The following SPIDR variants were observed in gnomAD, a reference collection of about 807,000 sequenced individuals.
SPIDR encodes the protein DNA repair-scaffolding protein.
SPIDR carries 93 observed loss-of-function variants against 104.6 expected under a neutral mutation model. The observed-to-expected ratio is 0.89, with a 90% confidence interval of 0.75 to 1.06. The LOEUF (loss-of-function observed/expected upper bound fraction) is 1.06, where lower values mean the gene tolerates loss of function less well. Among genes scored for constraint, SPIDR ranks in the 50% least tolerant of loss-of-function variants. The probability of loss-of-function intolerance (pLI) is 0.00; values close to 1 mark genes in which losing one functional copy is unlikely to be tolerated. For missense variants in SPIDR, 1,154 were observed against 1,111.2 expected (o/e 1.04, Z -0.55); for synonymous variants, 431 against 416.9 (o/e 1.03, Z -0.41).
chr8:47,454,066 C>T (rs576692159), intron 8 of SPIDR, among the ~76,000 whole-genome samples: 44 of 152,232 alleles, frequency 2.9e-4, no homozygotes, highest in African/African-American at 1.0e-3. Flanking sequence ...GAAGACAGTG[C>T]AGCAATTCCT....
chr8:47,533,166 A>G (rs1008066130), intron 8 of SPIDR, among the ~76,000 whole-genome samples: 8 of 152,238 alleles, frequency 5.3e-5, no homozygotes, highest in Admixed American at 6.5e-5. Flanking sequence ...AGTAAATCTA[A>G]ACTTCCACTT....
chr8:47,718,872 A>G (rs528350815), intron 16 of SPIDR, among the ~76,000 whole-genome samples: 1 of 152,182 alleles, frequency 6.6e-6, no homozygotes, highest in South Asian at 2.1e-4. Context: ...AGATCAACCC[A>G]TCACCCAGGT....
chr8:47,547,335 G>A, intron 8 of SPIDR: 2 of 506,940 alleles, frequency 3.9e-6, no homozygotes, highest in Non-Finnish European at 7.8e-6. Context: ...TGACATCTAT[G>A]AATCCAGCAG....
chr8:47,319,791 C>G (rs1464721982), intron 5 of SPIDR, among the ~76,000 whole-genome samples: 4 of 152,238 alleles, frequency 2.6e-5, no homozygotes, highest in African/African-American at 4.8e-5. Flanking sequence ...GATTAAGAAA[C>G]TCACTCAAAA....
chr8:47,446,439 C>G (rs1235247016), intron 8 of SPIDR, among the ~76,000 whole-genome samples: 1 of 152,126 alleles, frequency 6.6e-6, no homozygotes, highest in Non-Finnish European at 1.5e-5. Context: ...GACAATGCAC[C>G]TAGTCAGCCA....
At chr8:47,331,783 T>C (rs553882937) in intron 5 of SPIDR, among the ~76,000 whole-genome samples, 3 of 152,204 alleles carry the variant, frequency 2.0e-5, no homozygotes, top group Middle Eastern at 3.4e-3. Context: ...GACTCTTTAG[T>C]AATACCACTT....
At chr8:47,408,001 AT>A (rs34569190) in intron 7 of SPIDR, 40 bp downstream of exon 7, 699,633 of 1,135,396 alleles carry the variant, frequency 0.62, 228,875 homozygotes, top group Non-Finnish European at 0.68. Flanking sequence ...GTGTAAAAAA[AT>A]ATTTTAGTTA....
At chr8:47,570,814 C>T (rs1018983533) in intron 8 of SPIDR, among the ~76,000 whole-genome samples, 7 of 152,046 alleles carry the variant, frequency 4.6e-5, no homozygotes, top group South Asian at 2.1e-4. Flanking sequence ...AGGTTTTAGC[C>T]GGGTGTGGTG....
intron 11 of SPIDR, among the ~76,000 whole-genome samples, chr8:47,691,290 CAAAAAAAAAA>C (rs60147394): frequency 1.2e-5 from 1 of 86,668 alleles, no homozygotes; most frequent in Admixed American, 1.2e-4. Flanking sequence ...GACTCCGTCT[CAAAAAAAAAA>C]AAAAAAAAAA....
chr8:47,555,304 G>A (rs1210034832), intron 8 of SPIDR, among the ~76,000 whole-genome samples: 3 of 152,098 alleles, frequency 2.0e-5, no homozygotes, highest in Non-Finnish European at 4.4e-5. Flanking sequence ...TCAAAGAATT[G>A]AGAAATATTC....
At chr8:47,262,133 G>C (rs2032579806) in intron 1 of SPIDR, among the ~76,000 whole-genome samples, 1 of 152,152 alleles carries the variant, frequency 6.6e-6, no homozygotes, top group Non-Finnish European at 1.5e-5. Flanking sequence ...ATACATTGAA[G>C]TTAACTATAT....
At chr8:47,530,806 T>G (rs1386224985) in intron 8 of SPIDR, among the ~76,000 whole-genome samples, 1 of 152,194 alleles carries the variant, frequency 6.6e-6, no homozygotes, top group Non-Finnish European at 1.5e-5. Context: ...TAATTTTTTA[T>G]CCTTTTGTAG....
rs1247789228 is a variant in SPIDR at position 47,351,752 on chromosome 8, T to C, written c.526-44624T>C. On this transcript the variant is annotated intron_variant, in intron 5 of 19. Transcript: ENST00000297423. ...TGAATGAAGTGATACGTAGGCATTG[T>C]GTTAGGCATTATAACTAGTCTAGAG... 3.3e-5 allele frequency among the ~76,000 whole-genome samples: 5 copies of C among 152,314 alleles called. No individual in the cohort carries two copies. In the East Asian group the frequency reaches 7.7e-4, roughly 23 times the overall value.
intron 14 of SPIDR, among the ~76,000 whole-genome samples, chr8:47,704,110 AGT>A (rs1020939893): frequency 2.0e-5 from 3 of 152,174 alleles, no homozygotes; most frequent in Non-Finnish European, 4.4e-5. Context: ...CTCTGCAGAA[AGT>A]GTGTGTGTGT....
chr8:47,294,079 A>G, intron 5 of SPIDR, 49 bp downstream of exon 5: 9 of 1,557,826 alleles, frequency 5.8e-6, no homozygotes, highest in Non-Finnish European at 6.1e-6. Flanking sequence ...AACATTTGCT[A>G]ATCATAGTTG....
chr8:47,313,952 C>A (rs1216617615), intron 5 of SPIDR, among the ~76,000 whole-genome samples: 1 of 152,166 alleles, frequency 6.6e-6, no homozygotes, highest in Non-Finnish European at 1.5e-5. Context: ...ATACTTCAAG[C>A]TGAAGGAAAG....
At chr8:47,365,108 A>ATGTTTTTTTCCTTTGGAGG (rs1375073802) in intron 5 of SPIDR, among the ~76,000 whole-genome samples, 1 of 152,228 alleles carries the variant, frequency 6.6e-6, no homozygotes, top group Non-Finnish European at 1.5e-5. Context: ...ACAGGCAAAG[A>ATGTTTTTTTCCTTTGGAGG]CATACATGTG....
intron 3 of SPIDR, among the ~76,000 whole-genome samples, chr8:47,287,391 G>A (rs2039047634): frequency 1.3e-5 from 2 of 151,954 alleles, no homozygotes; most frequent in Admixed American, 6.6e-5. Context: ...AAACAGGGTT[G>A]GAGAGCAGAG....
intron 5 of SPIDR, among the ~76,000 whole-genome samples, chr8:47,348,627 C>G (rs540405699): frequency 6.6e-6 from 1 of 152,318 alleles, no homozygotes; most frequent in East Asian, 1.9e-4. Context: ...CACATAGTCT[C>G]ATATTTCTTG....
Sources: gnomAD v4.1 joint callset for allele counts (sites outside exome capture counted in the v4.1 genomes callset) on GRCh38, gnomAD v4.1.1 for gene constraint, MANE v1.5 for transcripts, NCBI Gene and HGNC (gene_info 2026-07-23, HGNC 2026-07-21) for gene names.